Variants in PRSS2 observed in about 807,000 individuals in gnomAD.
PRSS2 encodes the protein trypsin-2.
In PRSS2, 19 loss-of-function variants were observed where a neutral mutation model predicts 19.2. The ratio of observed to expected loss-of-function variants is 0.99; its 90% CI spans 0.69 to 1.45. The LOEUF is 1.45. PRSS2 is among the 40% of genes most tolerant of loss of function. The pLI is 0.00. For synonymous variants in PRSS2, 107 were observed against 117.5 expected (o/e 0.91, Z 0.58); for missense variants, 288 against 294.4 (o/e 0.98, Z 0.16).
At chr7:142,771,984 C>T in intron 1 of PRSS2, 65 bp from the exon 2 acceptor site, 1 of 1,611,686 alleles carries the variant, frequency 6.2e-7, no homozygotes, top group Non-Finnish European at 8.5e-7. Context: ...GAAGCAGCCA[C>T]AGGCTGGGAG....
Position 142,772,043 on chromosome 7 carries a change from C to T in PRSS2, c.41-6C>T, listed in dbSNP as rs1482962906. 6.2e-7 allele frequency: 1 copy of T among 1,613,916 alleles called. No individual in the cohort carries two copies. The highest frequency in any genetic ancestry group is 1.1e-5 in the South Asian group (1 of 91,064). The stretch of plus-strand genomic sequence containing the variant: ...CTTGCCTTCTCCCTTCCCATCTCCA[C>T]TCCAGTTGCTGCCCCCTTTGATGAT... On this transcript the variant is annotated splice_region_variant and splice_polypyrimidine_tract_variant and intron_variant, in intron 1 of 4. Transcript: ENST00000539842.
intron 2 of PRSS2, 108 bp from the exon 3 acceptor site, chr7:142,773,158 A>G (rs1286722424): frequency 1.1e-5 from 18 of 1,601,150 alleles, no homozygotes; most frequent in Non-Finnish European, 1.4e-5. Context: ...ACCCCACCCC[A>G]TGCCTCCAGA....
chr7:142,773,495 TG>T lies in PRSS2; in HGVS notation c.434del (p.Gly145AlafsTer4). 3.8e-6 allele frequency: 6 copies of T among 1,592,734 alleles called. No homozygotes were observed. The South Asian group carries it at 6.7e-5, about 18-fold the overall frequency. On this transcript the variant is annotated frameshift_variant, in exon 3 of 5. Transcript: ENST00000539842. LOFTEE classifies it high-confidence loss of function. ...AAGTESLISGWGNTLSSGADY... is the reference protein window; with the variant it reads ...AAGTESLISGXGNTLSSGADY... The stretch of plus-strand genomic sequence containing the variant: ...TGGCACCGAGTCCCTCATCTCCGGC[TG>T]GGGCAACACTCTGAGTTCTGGTGGT...
In PRSS2 at chr7:142,774,540, A is replaced by G. The variant is rs1800289589; in HGVS notation, c.*32A>G. 6.3e-7 allele frequency: 1 copy of G among 1,592,078 alleles called. No homozygotes were observed. The highest frequency in any genetic ancestry group is 8.6e-7 in the Non-Finnish European group (1 of 1,160,680). On this transcript the variant is annotated 3_prime_UTR_variant, in exon 5 of 5. Transcript: ENST00000539842. ...TGGTCCCTCTGCAGTCTCTATACCA[A>G]TAAAGTGACCCTGCTCTCACTGTCT...
chr7:142,771,582 C>A (rs1799897739), intron 1 of PRSS2, among the ~76,000 whole-genome samples: 1 of 152,140 alleles, frequency 6.6e-6, no homozygotes, highest in Admixed American at 6.5e-5. Flanking sequence ...TCCCTCAACT[C>A]TGCCCTCACT....
At chr7:142,772,698 C>A in intron 2 of PRSS2, 2 of 556,612 alleles carry the variant, frequency 3.6e-6, no homozygotes, top group Non-Finnish European at 6.2e-6. Flanking sequence ...CCTGAGTATG[C>A]ATCAGAACTC....
At chr7:142,772,620 C>T in intron 2 of PRSS2, 1 of 666,596 alleles carries the variant, frequency 1.5e-6, no homozygotes, top group Non-Finnish European at 2.7e-6. Context: ...ATTTCACACT[C>T]TACCTCTGGT....
chr7:142,772,239 C>A (rs1554506075), intron 2 of PRSS2, 31 bp downstream of exon 2: 8 of 1,611,632 alleles, frequency 5.0e-6, no homozygotes, highest in African/African-American at 1.3e-5. Flanking sequence ...TGCAAAACTC[C>A]CAGCCAGGCT....
Position 142,773,379 on chromosome 7 carries a change from A to G in PRSS2, c.314A>G (p.Asp105Gly), listed in dbSNP as rs1800127074. ...RHPKYNSRTLDNDILLIKLSS... is the reference protein window; with the variant it reads ...RHPKYNSRTLGNDILLIKLSS... ...CCCAAATACAACAGCCGGACTCTGGACAATGACATCCTGCTGATCAAGCTC... is the reference window on the plus strand; with the variant it reads ...CCCAAATACAACAGCCGGACTCTGGGCAATGACATCCTGCTGATCAAGCTC... The change falls in exon 3 of 5, where the codon GAC (aspartate) becomes GGC (glycine). Residue 105 changes from aspartate to glycine, a missense_variant. Asp to Gly is a moderately conservative substitution (Grantham distance 94, BLOSUM62 -1). Transcript: ENST00000539842. The G allele has an allele frequency of 2.5e-6, 4 of 1,613,106 alleles. No individual in the cohort carries two copies. The highest frequency in any genetic ancestry group is 3.4e-6 in the Non-Finnish European group (4 of 1,179,150).
intron 1 of PRSS2, among the ~76,000 whole-genome samples, chr7:142,771,601 T>A (rs185184856): frequency 2.3e-5 from 3 of 131,672 alleles, no homozygotes. Context: ...CTGGGCAGAT[T>A]TGAGCTGAGG....
intron 2 of PRSS2, chr7:142,772,503 A>G (rs1800021223): frequency 2.9e-6 from 2 of 697,238 alleles, no homozygotes; most frequent in Admixed American, 2.0e-5. Context: ...GGTTAGCTAC[A>G]CATTAAAGCC....
chr7:142,772,315 G>T, intron 2 of PRSS2, 107 bp downstream of exon 2: 1 of 1,453,954 alleles, frequency 6.9e-7, no homozygotes. Flanking sequence ...GAGAGAGATG[G>T]TGGAAAAGAA....
intron 3 of PRSS2, 111 bp downstream of exon 3, chr7:142,773,630 G>A: frequency 7.6e-7 from 1 of 1,319,192 alleles, no homozygotes; most frequent in Middle Eastern, 2.1e-4. Context: ...CATTTCTAGT[G>A]CCCATTACAC....
In PRSS2 at chr7:142,773,360, T is replaced by C; in HGVS notation, c.295T>C (p.Tyr99His). The stretch of plus-strand genomic sequence containing the variant: ...GGCCAAGATCATCCGCCACCCCAAA[T>C]ACAACAGCCGGACTCTGGACAATGA... ...NAAKIIRHPK[Y>H]NSRTLDNDIL... Residue 99 changes from tyrosine to histidine, a missense_variant, in exon 3 of 5, where the codon TAC (tyrosine) becomes CAC (histidine). Coordinates refer to ENST00000539842, the MANE Select transcript of PRSS2 (RefSeq NM_002770.4). The C allele has an allele frequency of 6.2e-7, 1 of 1,614,030 alleles. No individual in the cohort carries two copies. Among genetic ancestry groups the C allele is most frequent in the Non-Finnish European group, 8.5e-7 (1 of 1,179,878 alleles).
At chr7:142,773,211 G>A in intron 2 of PRSS2, 55 bp from the exon 3 acceptor site, 18 of 1,614,096 alleles carry the variant, frequency 1.1e-5, no homozygotes, top group Non-Finnish European at 1.5e-5. Flanking sequence ...GGAAAGGTGG[G>A]AGGGGTGCCC....
intron 2 of PRSS2, chr7:142,772,737 T>G: frequency 1.7e-6 from 1 of 572,350 alleles, no homozygotes; most frequent in South Asian, 2.4e-5. Context: ...CACAAATCAC[T>G]GGGACCCATC....
intron 3 of PRSS2, among the ~76,000 whole-genome samples, 179 bp from the exon 4 acceptor site, chr7:142,773,739 CG>C (rs1308556088): frequency 6.6e-6 from 1 of 152,248 alleles, no homozygotes; most frequent in Non-Finnish European, 1.5e-5. Flanking sequence ...ATGATCACTT[CG>C]TGGGAGAGGT....
intron 2 of PRSS2, among the ~76,000 whole-genome samples, chr7:142,773,010 A>C (rs770998630): frequency 7.1e-6 from 1 of 140,952 alleles, no homozygotes; most frequent in African/African-American, 2.7e-5. Flanking sequence ...CTGGGAAGGC[A>C]GATTGAGGAG....
chr7:142,773,941 G>T lies in PRSS2; in HGVS notation c.477G>T (p.Gln159His). 6.2e-7 allele frequency: 1 copy of T among 1,613,348 alleles called. No homozygotes were observed. Among genetic ancestry groups the T allele is most frequent in the Admixed American group, 1.7e-5 (1 of 60,034 alleles). The change falls in exon 4 of 5, where the codon CAG (glutamine) becomes CAT (histidine). Residue 159 changes from glutamine (Q) to histidine (H), a missense_variant. Physicochemically the swap from Gln to His is conservative, Grantham distance 24. Transcript: ENST00000539842. ...SSGADYPDEL[Q>H]CLDAPVLSQA... The stretch of plus-strand genomic sequence containing the variant: ...CAGCCGACTACCCAGACGAGCTGCA[G>T]TGCCTGGATGCTCCTGTGCTGAGCC...
Sources: allele counts gnomAD v4.1 joint callset (sites outside exome capture counted in the v4.1 genomes callset), GRCh38; gene constraint gnomAD v4.1.1; transcripts MANE v1.5; gene names NCBI Gene and HGNC (gene_info 2026-07-23, HGNC 2026-07-21).